Variants in ALDH1A1 observed in about 807,000 individuals in gnomAD.
ALDH1A1 encodes the protein aldehyde dehydrogenase 1 family member A1, also known as aldehyde dehydrogenase 1A1.
ALDH1A1 carries 19 observed loss-of-function variants against 62.1 expected under a neutral mutation model. The ratio of observed to expected loss-of-function variants is 0.31; its 90% CI spans 0.21 to 0.45. The LOEUF (loss-of-function observed/expected upper bound fraction) is 0.45. ALDH1A1 is among the 20% of genes least tolerant of loss of function. ALDH1A1 has a pLI of 1.00. For synonymous variants in ALDH1A1, 231 were observed against 215.9 expected (o/e 1.07, Z -0.61); for missense variants, 521 against 607.1 (o/e 0.86, Z 1.49).
At chr9:72,942,397 C>CTTTCCTT (rs1830425144) in intron 1 of ALDH1A1, 2 of 982,460 alleles carry the variant, frequency 2.0e-6, no homozygotes, top group South Asian at 4.7e-5. Context: ...ATCTCTCACA[C>CTTTCCTT]ACTTTCCTTC....
In ALDH1A1 at chr9:72,925,477, G is replaced by T. The variant is rs8187930; in HGVS notation, c.633+7C>A. ...TCTTGAGCATATTTTGATTTCGGGA[G>T]ACTTACCTCTTTTATTAAAGATGCC... On this transcript the variant is annotated splice_region_variant and intron_variant, in intron 6 of 12. Transcript: ENST00000297785. 2,343 of 1,611,540 alleles carry T rather than the reference G, an allele frequency of 1.5e-3. 20 individuals are homozygous for T. The African/African-American group carries it at 0.027, about 19-fold the overall frequency.
intron 2 of ALDH1A1, among the ~76,000 whole-genome samples, chr9:72,937,825 T>C (rs1830363323): frequency 6.6e-6 from 1 of 152,244 alleles, no homozygotes; most frequent in African/African-American, 2.4e-5. Flanking sequence ...GGAGAATTTA[T>C]GCTTTGGTGA....
chr9:72,949,027 A>G (rs941070253), intron 1 of ALDH1A1, among the ~76,000 whole-genome samples: 1 of 151,892 alleles, frequency 6.6e-6, no homozygotes, highest in Non-Finnish European at 1.5e-5. Context: ...CATTGAAAAT[A>G]TCTCTTTAAC....
chr9:72,902,738 A>G (rs1309375478), intron 12 of ALDH1A1, among the ~76,000 whole-genome samples: 1 of 151,962 alleles, frequency 6.6e-6, no homozygotes, highest in Non-Finnish European at 1.5e-5. Context: ...TCCTATGCCT[A>G]TACTATATCT....
intron 4 of ALDH1A1, among the ~76,000 whole-genome samples, chr9:72,928,211 A>ACTGT (rs1351118294): frequency 1.1e-3 from 173 of 151,836 alleles, no homozygotes; most frequent in African/African-American, 4.0e-3. Flanking sequence ...GTTTGCCTGA[A>ACTGT]TTAAATTCCA....
chr9:72,927,968 G>A, intron 4 of ALDH1A1, among the ~76,000 whole-genome samples: 1 of 150,944 alleles, frequency 6.6e-6, no homozygotes, highest in Non-Finnish European at 1.5e-5. Flanking sequence ...AAGCTTCCTG[G>A]TTTCAGCAAG....
At chr9:72,919,235 T>C (rs531499272) in intron 7 of ALDH1A1, among the ~76,000 whole-genome samples, 9 of 152,296 alleles carry the variant, frequency 5.9e-5, no homozygotes, top group African/African-American at 2.2e-4. Flanking sequence ...CAGAATATCA[T>C]CTTTCTACAG....
At chr9:72,917,525 T>G (rs1767851064) in intron 8 of ALDH1A1, among the ~76,000 whole-genome samples, 1 of 152,130 alleles carries the variant, frequency 6.6e-6, no homozygotes, top group Non-Finnish European at 1.5e-5. Context: ...AAAAGATTCT[T>G]AAATACTCTA....
rs201385375 is a variant in ALDH1A1 at position 72,929,012 on chromosome 9, A to T, written c.322T>A (p.Ser108Thr). The T allele has an allele frequency of 1.6e-4, 252 of 1,612,676 alleles. No homozygotes were observed. Among genetic ancestry groups the T allele is most frequent in the Non-Finnish European group, 2.1e-4 (245 of 1,179,622 alleles). Residue 108 changes from serine to threonine, a missense_variant, in exon 4 of 13, where the codon TCA (serine) becomes ACA (threonine). Physicochemically the swap from Ser to Thr is moderately conservative, Grantham distance 58. Coordinates refer to ENST00000297785, the MANE Select transcript of ALDH1A1 (RefSeq NM_000689.5). ...RDRLLLATME[S>T]MNGGKLYSNA... ...GAATAGAGTTTTCCACCATTCATTG[A>T]CTCCATTGTCTGAAAAACATGTCAA... is the stretch of plus-strand genomic sequence containing the variant.
rs1223404914 is a variant in ALDH1A1 at position 72,900,856 on chromosome 9, C to A, written c.*352G>T. The A allele has an allele frequency of 5.5e-6, 1 of 182,008 alleles. No individual in the cohort carries two copies. The highest frequency in any genetic ancestry group is 2.4e-5 in the African/African-American group (1 of 42,456). The allele number at this position is 182,008 out of a possible 1,614,324, so 11.3% of individuals were successfully genotyped here. A position where few individuals can be genotyped will look rare whatever the true frequency, so the allele number is the denominator to read the frequency against. On this transcript the variant is annotated 3_prime_UTR_variant, in exon 13 of 13. Coordinates refer to ENST00000297785, the MANE Select transcript of ALDH1A1 (RefSeq NM_000689.5). ...CGTGTATGTTAAGTACTTCAAGAGT[C>A]ACTAAGGGAAAGAAGCTAAATGCAA...
chr9:72,937,214 A>G (rs978227307), intron 2 of ALDH1A1, among the ~76,000 whole-genome samples: 1 of 152,204 alleles, frequency 6.6e-6, no homozygotes, highest in African/African-American at 2.4e-5. Flanking sequence ...TAGTATATCT[A>G]TCGAATATAG....
chr9:72,945,620 G>C (rs1169597028), intron 1 of ALDH1A1, among the ~76,000 whole-genome samples: 1 of 151,854 alleles, frequency 6.6e-6, no homozygotes, highest in African/African-American at 2.4e-5. Flanking sequence ...ACCTACCAAA[G>C]TACTAAAGGC....
rs375662631 is a variant in ALDH1A1, at chr9:72,927,176, A to T, written c.444T>A (p.Asp148Glu). The T allele has an allele frequency of 1.1e-5, 17 of 1,598,316 alleles. No homozygotes were observed. Among genetic ancestry groups the T allele is most frequent in the African/African-American group, 4.1e-5 (3 of 74,000 alleles). ...DKIQGRTIPI[D>E]GNFFTYTRHE... ...GTCTTGTATATGTAAAAAAATTTCC[A>T]TCTGAAAAATAAAACACACACAATC... The change falls in exon 5 of 13, where the codon GAT becomes GAA. Residue 148 changes from aspartate to glutamate, a missense_variant and splice_region_variant. By Grantham distance (45) the Asp-to-Glu change is conservative (BLOSUM62 2). Transcript: ENST00000297785.
chr9:72,915,770 T>A (rs1486745061), intron 9 of ALDH1A1, among the ~76,000 whole-genome samples: 1 of 152,216 alleles, frequency 6.6e-6, no homozygotes, highest in Non-Finnish European at 1.5e-5. Flanking sequence ...GTAAACTCCA[T>A]GAGGTCCGGG....
chr9:72,902,302 G>T (rs1257339582), intron 12 of ALDH1A1, among the ~76,000 whole-genome samples: 1 of 152,004 alleles, frequency 6.6e-6, no homozygotes, highest in African/African-American at 2.4e-5. Context: ...GTATATAAGA[G>T]TAGTCTCAAA....
chr9:72,913,677 C>T (rs1381845798), intron 9 of ALDH1A1, among the ~76,000 whole-genome samples: 1 of 152,190 alleles, frequency 6.6e-6, no homozygotes, highest in African/African-American at 2.4e-5. Flanking sequence ...GGCTGAAAAG[C>T]CTTATTTGTT....
At chr9:72,943,957 A>G (rs559719499) in intron 1 of ALDH1A1, among the ~76,000 whole-genome samples, 1 of 152,220 alleles carries the variant, frequency 6.6e-6, no homozygotes, top group South Asian at 2.1e-4. Flanking sequence ...AAGGAAAAAA[A>G]AAGAGTAAAG....
intron 2 of ALDH1A1, among the ~76,000 whole-genome samples, chr9:72,934,675 C>G (rs954702499): frequency 6.6e-6 from 1 of 152,146 alleles, no homozygotes; most frequent in Non-Finnish European, 1.5e-5. Context: ...TACCTAAAAC[C>G]TTGCCAGACT....
intron 5 of ALDH1A1, 132 bp from the exon 6 acceptor site, chr9:72,925,744 T>A: frequency 2.0e-6 from 2 of 1,017,716 alleles, no homozygotes; most frequent in South Asian, 3.6e-5. Flanking sequence ...TCTGGCATAT[T>A]ATACTTCATT....
Sources: gnomAD v4.1 joint callset for allele counts (sites outside exome capture counted in the v4.1 genomes callset) on GRCh38, gnomAD v4.1.1 for gene constraint, MANE v1.5 for transcripts, NCBI Gene and HGNC (gene_info 2026-07-23, HGNC 2026-07-21) for gene names.